TENM1: variants seen among roughly 807,000 people sequenced by gnomAD.
TENM1 encodes teneurin-1.
Under a neutral mutation model 174.8 loss-of-function variants are expected in TENM1, and 35 were observed. That is an observed-to-expected ratio of 0.20 (90% CI 0.15 to 0.27). The LOEUF (loss-of-function observed/expected upper bound fraction) is 0.27, where lower values mean the gene tolerates loss of function less well. Ranked by LOEUF, TENM1 falls within the 10% of genes least tolerant of loss-of-function variation. TENM1 has a pLI of 1.00. For synonymous variants in TENM1, 781 were observed against 798.7 expected (o/e 0.98, Z 0.37); for missense variants, 1,633 against 2,130.1 (o/e 0.77, Z 4.59).
At chrX:124,652,195 A>G in intron 7 of TENM1, 71 bp from the exon 11 acceptor site, 2 of 1,109,958 alleles carry the variant, frequency 1.8e-6, no homozygotes, top group African/African-American at 3.6e-5. Flanking sequence ...CCTAACTTCA[A>G]CTGCCCTATT....
At chrX:124,860,386 A>G (rs1012180008) in intron 3 of TENM1, among the ~76,000 whole-genome samples, 1 of 111,594 alleles carries the variant, frequency 9.0e-6, no homozygotes, top group African/African-American at 3.3e-5. Context: ...GCTTTTCTGG[A>G]GCAAAACAAA....
chrX:124,734,616 A>T (rs1391496279), intron 4 of TENM1, among the ~76,000 whole-genome samples: 2 of 111,592 alleles, frequency 1.8e-5, no homozygotes, highest in Non-Finnish European at 3.8e-5. Flanking sequence ...TAAGTGATGG[A>T]TGATACTGTT....
At chrX:124,427,105 C>G (rs28605132) in intron 23 of TENM1, among the ~76,000 whole-genome samples, 7,879 of 111,685 alleles carry the variant, frequency 0.071, 697 homozygotes, top group African/African-American at 0.24. Context: ...GTACAACACT[C>G]CCATTTTGAT....
At chrX:124,968,109 C>A (rs1342401813), upstream of TENM1, among the ~76,000 whole-genome samples, 1 of 111,620 alleles carries the variant, frequency 9.0e-6, no homozygotes, top group East Asian at 2.8e-4. Flanking sequence ...AACATATATA[C>A]AGAAACTTTG....
chrX:125,133,981 A>G, the TENM1 span, among the ~76,000 whole-genome samples: 1 of 111,122 alleles, frequency 9.0e-6, no homozygotes. Context: ...TCAGTTGTAA[A>G]TGTTAAAAGC....
intron 21 of TENM1, among the ~76,000 whole-genome samples, chrX:124,484,484 C>T (rs927239975): frequency 4.5e-5 from 5 of 111,818 alleles, no homozygotes; most frequent in Non-Finnish European, 9.4e-5. Context: ...GGAGCTTTAT[C>T]TCGTCTCCAT....
At chrX:124,674,075 T>C (rs1232222041) in intron 5 of TENM1, among the ~76,000 whole-genome samples, 1 of 109,657 alleles carries the variant, frequency 9.1e-6, no homozygotes, top group Non-Finnish European at 1.9e-5. Flanking sequence ...GCCCTCCAGA[T>C]AGTGAATGCT....
At chrX:124,939,401 A>T (rs2058293220) in intron 1 of TENM1, among the ~76,000 whole-genome samples, 1 of 111,103 alleles carries the variant, frequency 9.0e-6, no homozygotes, top group African/African-American at 3.3e-5. Context: ...TCATGTTTCT[A>T]CTTGACCTAT....
exon 4 of TENM1, chrX:124,736,975 T>C: frequency 8.3e-7 from 1 of 1,209,693 alleles, no homozygotes; most frequent in Non-Finnish European, 1.1e-6. Flanking sequence ...CAATGGTATG[T>C]TGCTGTTCAG....
At chrX:125,022,084 A>G in the TENM1 span, among the ~76,000 whole-genome samples, 1 of 112,403 alleles carries the variant, frequency 8.9e-6, no homozygotes, top group Non-Finnish European at 1.9e-5. Context: ...CTAGAAATGA[A>G]TGTTGCTAAC....
chrX:124,469,593 C>G (rs2061277758), intron 22 of TENM1, among the ~76,000 whole-genome samples: 1 of 111,486 alleles, frequency 9.0e-6, no homozygotes, highest in South Asian at 3.8e-4. Flanking sequence ...AAAGTCTGCC[C>G]ACCTGCCTTA....
the TENM1 span, among the ~76,000 whole-genome samples, chrX:125,073,346 AT>A: frequency 9.0e-6 from 1 of 111,546 alleles, no homozygotes. Context: ...ACTGAAAAAT[AT>A]CACTTACTTA....
At chrX:124,446,019 A>G (rs1011848794) in intron 23 of TENM1, among the ~76,000 whole-genome samples, 2 of 112,692 alleles carry the variant, frequency 1.8e-5, no homozygotes, top group Non-Finnish European at 3.7e-5. Context: ...AAATCAAAAA[A>G]AGATATTGAT....
rs973582642 is a variant in TENM1 at position 124,581,605 on chromosome X, A to G, written c.2078-16045T>C. Among the ~76,000 whole-genome samples the G allele has an allele frequency of 3.6e-4, 40 of 112,182 alleles. 1 individual carries two copies. The highest frequency in any genetic ancestry group is 9.4e-5 in the Non-Finnish European group (5 of 53,269). ...GTAGTTTTGTTTTAACTTCTTTAAGAAATCTCCAAGTTGCTTTCCACAGTG... is the reference window on the plus strand; with the variant it reads ...GTAGTTTTGTTTTAACTTCTTTAAGGAATCTCCAAGTTGCTTTCCACAGTG... On this transcript the variant is annotated intron_variant, in intron 11 of 31. Transcript: ENST00000422452.
chrX:124,812,960 G>A (rs1434092779), intron 3 of TENM1, among the ~76,000 whole-genome samples: 1 of 110,064 alleles, frequency 9.1e-6, no homozygotes, highest in African/African-American at 3.3e-5. Context: ...AAATTACATG[G>A]AACATTTAAA....
chrX:125,060,341 C>T, the TENM1 span, among the ~76,000 whole-genome samples: 2 of 110,377 alleles, frequency 1.8e-5, no homozygotes, highest in African/African-American at 6.6e-5. Flanking sequence ...GACTGAGGAT[C>T]AAAGAGTTTA....
At chrX:125,061,001 TTATA>T in the TENM1 span, among the ~76,000 whole-genome samples, 1 of 104,756 alleles carries the variant, frequency 9.5e-6, no homozygotes. Context: ...CTTGGAGATT[TTATA>T]TATATATATA....
At chrX:124,581,596 T>C (rs745761272) in intron 11 of TENM1, among the ~76,000 whole-genome samples, 1 of 112,456 alleles carries the variant, frequency 8.9e-6, no homozygotes, top group Non-Finnish European at 1.9e-5. Context: ...TTGTTTTAAC[T>C]TCTTTAAGAA....
chrX:124,919,137 G>A (rs1425993460), intron 1 of TENM1, among the ~76,000 whole-genome samples: 1 of 111,967 alleles, frequency 8.9e-6, no homozygotes, highest in Non-Finnish European at 1.9e-5. Context: ...GTCTCACAGT[G>A]CCCTATTCAA....
Sources: gnomAD v4.1 joint callset for allele counts (sites outside exome capture counted in the v4.1 genomes callset) on GRCh38, gnomAD v4.1.1 for gene constraint, MANE v1.5 for transcripts, NCBI Gene and HGNC (gene_info 2026-07-23, HGNC 2026-07-21) for gene names.